Variants in DMD observed in about 807,000 individuals in gnomAD.
DMD encodes the protein mutant dystrophin.
In DMD, 63 loss-of-function variants were observed where a neutral mutation model predicts 330.1. The ratio of observed to expected loss-of-function variants is 0.19; its 90% CI spans 0.16 to 0.24. DMD has a LOEUF of 0.24. DMD is among the 10% of genes least tolerant of loss of function. DMD has a pLI of 1.00. For synonymous variants in DMD, 1,223 were observed against 959.8 expected, an observed-to-expected ratio of 1.27 and a Z score of -5.07; for missense variants, 3,344 against 2,684.1, an observed-to-expected ratio of 1.25 and a Z score of -5.43.
In DMD at chrX:31,416,462, C is replaced by T. The variant is rs531469031; in HGVS notation, c.9084+28019G>A. 2.0e-4 allele frequency among the ~76,000 whole-genome samples: 23 copies of T among 112,238 alleles called. No homozygotes were observed. The South Asian group carries it at 7.7e-3, about 38-fold the overall frequency. On this transcript the variant is annotated intron_variant, in intron 60 of 78. Coordinates refer to ENST00000357033, the MANE Select transcript of DMD (RefSeq NM_004006.3). ...CCTGTTGCTTGGGCTTTTAATTTTACGTCTGGTCTCCAATGGCCTTGTATC... is the reference window on the plus strand; with the variant it reads ...CCTGTTGCTTGGGCTTTTAATTTTATGTCTGGTCTCCAATGGCCTTGTATC...
intron 2 of DMD, among the ~76,000 whole-genome samples, chrX:32,856,830 C>A (rs2081604709): frequency 8.9e-6 from 1 of 111,869 alleles, no homozygotes. Context: ...AATCCCAACA[C>A]TTTGGGAGGC....
chrX:33,237,027 T>G (rs772034092), intron 1 of DMD, among the ~76,000 whole-genome samples: 1 of 111,474 alleles, frequency 9.0e-6, no homozygotes, highest in East Asian at 2.9e-4. Context: ...CAGACTACTT[T>G]GAAGTAAGGA....
At chrX:31,262,910 T>C (rs1241835186) in intron 62 of DMD, among the ~76,000 whole-genome samples, 1 of 112,583 alleles carries the variant, frequency 8.9e-6, no homozygotes, top group Non-Finnish European at 1.9e-5. Flanking sequence ...ATTCCATATA[T>C]AAGTGCAGAG....
intron 15 of DMD, among the ~76,000 whole-genome samples, chrX:32,570,701 T>C (rs1021626477): frequency 8.9e-6 from 1 of 111,801 alleles, no homozygotes; most frequent in Non-Finnish European, 1.9e-5. Flanking sequence ...CTGTGTTTTT[T>C]CTTGATCTCG....
chrX:32,614,554 C>T lies in DMD; in HGVS notation c.1332-101G>A. The T allele has an allele frequency of 5.7e-6, 4 of 698,375 alleles. No homozygotes were observed. In the Admixed American group the frequency reaches 8.4e-5, roughly 15 times the overall value. The allele number at this position is 698,375 out of a possible 1,213,427, so 57.6% of individuals were successfully genotyped here. A position where few individuals can be genotyped will look rare whatever the true frequency, so the allele number is the denominator to read the frequency against. On this transcript the variant is annotated intron_variant, in intron 11 of 78. Coordinates refer to ENST00000357033, the MANE Select transcript of DMD (RefSeq NM_004006.3). ...GAATTTATAATATATGGAATGTTCG[C>T]ATTTGGGGGCATCTATTGGACATTG...
At chrX:33,105,249 C>G (rs1443348454) in intron 1 of DMD, among the ~76,000 whole-genome samples, 1 of 111,482 alleles carries the variant, frequency 9.0e-6, no homozygotes, top group Admixed American at 9.6e-5. Flanking sequence ...AACTGGATCC[C>G]TATCTCCTAC....
At chrX:32,724,024 AAAAACT>A (rs1470528434) in intron 7 of DMD, among the ~76,000 whole-genome samples, 2 of 111,964 alleles carry the variant, frequency 1.8e-5, no homozygotes, top group African/African-American at 6.5e-5. Context: ...GTAAAAGAAT[AAAAACT>A]AAAACTAAAA....
intron 1 of DMD, among the ~76,000 whole-genome samples, chrX:33,270,239 C>T (rs1313689393): frequency 9.0e-6 from 1 of 110,562 alleles, no homozygotes; most frequent in African/African-American, 3.3e-5. Context: ...AATAAATAGT[C>T]AGATTTTTAA....
At chrX:33,032,641 T>G (rs1292905888) in intron 1 of DMD, among the ~76,000 whole-genome samples, 1 of 112,351 alleles carries the variant, frequency 8.9e-6, no homozygotes, top group Admixed American at 9.4e-5. Context: ...ACCATACCAT[T>G]CAAAATTTAA....
intron 19 of DMD, among the ~76,000 whole-genome samples, chrX:32,492,865 T>G (rs950287535): frequency 3.6e-5 from 4 of 112,180 alleles, no homozygotes; most frequent in African/African-American, 1.3e-4. Flanking sequence ...CTCATGTACC[T>G]ACAGAGATCT....
intron 61 of DMD, among the ~76,000 whole-genome samples, chrX:31,324,820 T>A (rs990929739): frequency 9.0e-6 from 1 of 111,402 alleles, no homozygotes; most frequent in Non-Finnish European, 1.9e-5. Context: ...AGCTAATATA[T>A]CCTCGACTAC....
intron 76 of DMD, among the ~76,000 whole-genome samples, chrX:31,141,442 A>C (rs2036034584): frequency 8.9e-6 from 1 of 112,434 alleles, no homozygotes; most frequent in South Asian, 3.7e-4. Context: ...AAGTTTCTGG[A>C]AGATAGCTTA....
intron 7 of DMD, among the ~76,000 whole-genome samples, chrX:32,780,797 C>T (rs995071793): frequency 9.1e-6 from 1 of 110,138 alleles, no homozygotes; most frequent in Non-Finnish European, 1.9e-5. Flanking sequence ...AATGTAAAAG[C>T]CGTGTCTTCA....
chrX:32,005,785 A>G lies in DMD; in HGVS notation c.6439-37271T>C, dbSNP rs766038677. ...AAAGATAATGATAATATCAAATATC[A>G]TTATTGTCAAACTTGATGACTTATT... is the stretch of plus-strand genomic sequence containing the variant. On this transcript the variant is annotated intron_variant, in intron 44 of 78. Coordinates refer to ENST00000357033, the MANE Select transcript of DMD (RefSeq NM_004006.3). 3.6e-5 allele frequency among the ~76,000 whole-genome samples: 4 copies of G among 111,993 alleles called. No homozygotes were observed. In the South Asian group the frequency reaches 1.5e-3, roughly 41 times the overall value.
intron 55 of DMD, among the ~76,000 whole-genome samples, chrX:31,560,914 G>A (rs1265833776): frequency 3.6e-5 from 4 of 111,970 alleles, no homozygotes; most frequent in Non-Finnish European, 5.6e-5. Context: ...TATGGCTTCT[G>A]TCAACAGTAG....
intron 60 of DMD, among the ~76,000 whole-genome samples, chrX:31,423,001 G>A (rs900189782): frequency 2.7e-5 from 3 of 111,592 alleles, no homozygotes; most frequent in Non-Finnish European, 3.8e-5. Context: ...CTTGCTGCAC[G>A]GATATATGTA....
At chrX:32,836,073 C>T (rs1488176672) in intron 4 of DMD, among the ~76,000 whole-genome samples, 2 of 110,131 alleles carry the variant, frequency 1.8e-5, no homozygotes, top group Non-Finnish European at 3.8e-5. Flanking sequence ...GCTCGATCCC[C>T]CAGACTAGAG....
intron 43 of DMD, among the ~76,000 whole-genome samples, chrX:32,257,759 A>G (rs757049346): frequency 9.0e-6 from 1 of 111,718 alleles, no homozygotes; most frequent in South Asian, 3.7e-4. Flanking sequence ...AAGTACGGGG[A>G]AAGACTGCAT....
intron 44 of DMD, among the ~76,000 whole-genome samples, chrX:32,052,613 C>G (rs113235015): frequency 0.034 from 3,736 of 111,223 alleles, 147 homozygotes; most frequent in African/African-American, 0.12. Context: ...ACTAATCATA[C>G]AAAAATCAGT....
Sources: allele counts gnomAD v4.1 joint callset (sites outside exome capture counted in the v4.1 genomes callset), GRCh38; gene constraint gnomAD v4.1.1; transcripts MANE v1.5; gene names NCBI Gene and HGNC (gene_info 2026-07-23, HGNC 2026-07-21).